Variants in ACTR3 observed in about 807,000 individuals in gnomAD.
The protein encoded by ACTR3 is actin related protein 3.
ACTR3 carries 12 observed loss-of-function variants against 56.8 expected under a neutral mutation model. The ratio of observed to expected loss-of-function variants is 0.21; its 90% CI spans 0.14 to 0.34. The LOEUF (loss-of-function observed/expected upper bound fraction) is 0.34, where lower values mean the gene tolerates loss of function less well. Ranked by LOEUF, ACTR3 falls within the 10% of genes least tolerant of loss-of-function variation. The pLI, the probability that ACTR3 is intolerant of heterozygous loss-of-function variation, is 1.00. For synonymous variants in ACTR3, 162 were observed against 167.4 expected (o/e 0.97, Z 0.25); for missense variants, 282 against 512.5 (o/e 0.55, Z 4.34).
At chr2:113,943,259 A>G (rs1175567901) in intron 8 of ACTR3, among the ~76,000 whole-genome samples, 4 of 152,182 alleles carry the variant, frequency 2.6e-5, no homozygotes, top group Non-Finnish European at 5.9e-5. Context: ...TTTGTCAGTC[A>G]TGTGTGGTAG....
intron 1 of ACTR3, chr2:113,890,863 C>A: frequency 1.1e-6 from 1 of 880,900 alleles, no homozygotes; most frequent in Non-Finnish European, 1.4e-6. Flanking sequence ...AAATGGGAAC[C>A]TACAGTGGGG....
chr2:113,944,455 T>C (rs1338007185), intron 8 of ACTR3, among the ~76,000 whole-genome samples: 1 of 151,734 alleles, frequency 6.6e-6, no homozygotes, highest in African/African-American at 2.4e-5. Context: ...GTTTTAATTT[T>C]TTTATGAGGT....
intron 10 of ACTR3, chr2:113,954,319 T>A (rs1680171930): frequency 6.6e-6 from 1 of 151,100 alleles, no homozygotes; most frequent in Non-Finnish European, 1.5e-5. Flanking sequence ...CAGTCACTAG[T>A]TTTTAGCATC....
Position 113,958,649 on chromosome 2 carries a change from A to G in ACTR3, c.*1194A>G, listed in dbSNP as rs976918509. 1 of 151,478 alleles carries G rather than the reference A, an allele frequency of 6.6e-6. No homozygotes were observed. The highest frequency in any genetic ancestry group is 1.5e-5 in the Non-Finnish European group (1 of 67,794). 9.4% of individuals were successfully genotyped at this position (151,478 alleles called of 1,614,324 possible). ...ATTCTATTTTGTTTTTATGTATGTG[A>G]TATCTGTTTCTGTTGAGATTTGGGA... On this transcript the variant is annotated 3_prime_UTR_variant, in exon 12 of 12. Transcript: ENST00000263238.
intron 1 of ACTR3, among the ~76,000 whole-genome samples, chr2:113,897,977 G>A (rs1336059849): frequency 1.3e-5 from 2 of 152,114 alleles, no homozygotes; most frequent in Non-Finnish European, 1.5e-5. Flanking sequence ...TCTTGGGAAG[G>A]GTTTCTGTGC....
chr2:113,957,670 A>G lies in ACTR3; in HGVS notation c.*215A>G, dbSNP rs1680241573. 1 of 456,884 alleles carries G rather than the reference A, an allele frequency of 2.2e-6. No homozygotes were observed. Among genetic ancestry groups the G allele is most frequent in the African/African-American group, 1.9e-5 (1 of 51,594 alleles). 28.3% of individuals were successfully genotyped at this position (456,884 alleles called of 1,614,324 possible). ...GTTTTTCTTTAGATTGAATATTTGA[A>G]TCTTATGTGTAACAAAAAGAAGTGG... is the stretch of plus-strand genomic sequence containing the variant. On this transcript the variant is annotated 3_prime_UTR_variant, in exon 12 of 12. Coordinates refer to ENST00000263238, the MANE Select transcript of ACTR3 (RefSeq NM_005721.5).
At chr2:113,900,294 C>T (rs574233771) in intron 1 of ACTR3, among the ~76,000 whole-genome samples, 6 of 152,294 alleles carry the variant, frequency 3.9e-5, no homozygotes, top group African/African-American at 1.4e-4. Flanking sequence ...TCCGTTACCT[C>T]TACCCTCAAC....
At chr2:113,908,262 T>C (rs996388282) in intron 1 of ACTR3, among the ~76,000 whole-genome samples, 2 of 151,368 alleles carry the variant, frequency 1.3e-5, no homozygotes, top group African/African-American at 4.8e-5. Context: ...TTTTTTTTTT[T>C]TTTTGTCAAA....
intron 1 of ACTR3, among the ~76,000 whole-genome samples, chr2:113,895,569 TCAG>T (rs975422833): frequency 2.0e-5 from 3 of 152,232 alleles, no homozygotes; most frequent in African/African-American, 7.2e-5. Context: ...AGATGATTCT[TCAG>T]CAGCCCATTC....
At chr2:113,916,816 A>G (rs1679412603) in intron 2 of ACTR3, 68 bp from the exon 3 acceptor site, 1 of 1,368,972 alleles carries the variant, frequency 7.3e-7, no homozygotes, top group Admixed American at 2.4e-5. Flanking sequence ...TAATGGGAGA[A>G]GTGTAAGGTA....
rs190639899 is a variant in ACTR3 at position 113,913,298 on chromosome 2, A to G, written c.100+71A>G. 6,114 of 1,178,154 alleles carry G rather than the reference A, an allele frequency of 5.2e-3. 80 individuals carry two copies. The highest frequency in any genetic ancestry group is 3.5e-3 in the Non-Finnish European group (2,929 of 826,416). 73.0% of individuals were successfully genotyped at this position (1,178,154 alleles called of 1,614,324 possible). A position where few individuals can be genotyped will look rare whatever the true frequency, so the allele number is the denominator to read the frequency against. On this transcript the variant is annotated intron_variant, in intron 2 of 11. Coordinates refer to ENST00000263238, the MANE Select transcript of ACTR3 (RefSeq NM_005721.5). ...CCTTCCCTAATAATTTAAGTAAAAG[A>G]AGTAATCAGTTCTGAAATCCTAAAA...
Position 113,927,390 on chromosome 2 carries a change from A to G in ACTR3, c.271A>G (p.Arg91Gly). The G allele has an allele frequency of 1.3e-6, 2 of 1,589,792 alleles. No individual in the cohort carries two copies. The highest frequency in any genetic ancestry group is 1.7e-6 in the Non-Finnish European group (2 of 1,165,820). Reference sequence around the variant, plus strand: ...AGTTGAAGATTGGGACTTAATGGAAAGGTTTATGGAGCAAGTGATCTTTAA... The same window carrying G: ...AGTTGAAGATTGGGACTTAATGGAAGGGTTTATGGAGCAAGTGATCTTTAA... The part of the protein sequence containing the change: ...GIVEDWDLME[R>G]FMEQVIFKYL... The change falls in exon 4 of 12, where the codon AGG becomes GGG. Residue 91 changes from arginine to glycine, a missense_variant. Transcript: ENST00000263238.
intron 1 of ACTR3, among the ~76,000 whole-genome samples, chr2:113,901,138 G>A (rs1679091448): frequency 6.6e-6 from 1 of 152,162 alleles, no homozygotes; most frequent in African/African-American, 2.4e-5. Context: ...GACCAACACG[G>A]AGAAACCCCA....
intron 5 of ACTR3, among the ~76,000 whole-genome samples, chr2:113,933,124 C>T (rs6717183): frequency 0.021 from 3,144 of 152,198 alleles, 113 homozygotes; most frequent in African/African-American, 0.07. Context: ...ATTTTATCAA[C>T]GTTGCTCCAT....
chr2:113,899,293 T>C (rs1235963298), intron 1 of ACTR3, among the ~76,000 whole-genome samples: 3 of 152,176 alleles, frequency 2.0e-5, no homozygotes, highest in Admixed American at 2.0e-4. Context: ...AAATGAATAA[T>C]CTCCACTGAT....
At chr2:113,947,073 C>T (rs77415254) in intron 8 of ACTR3, among the ~76,000 whole-genome samples, 4,834 of 152,204 alleles carry the variant, frequency 0.032, 263 homozygotes, top group African/African-American at 0.11. Context: ...GAAGTTAGGA[C>T]AGATTTTTGT....
In ACTR3 at chr2:113,934,382, C is replaced by A; in HGVS notation, c.536C>A (p.Pro179His). The A allele has an allele frequency of 6.3e-7, 1 of 1,575,402 alleles. No homozygotes were observed. Among genetic ancestry groups the A allele is most frequent in the Non-Finnish European group, 8.6e-7 (1 of 1,161,292 alleles). The change falls in exon 6 of 12, where the codon CCT becomes CAT. Residue 179 changes from proline (P) to histidine (H), a missense_variant. Transcript: ENST00000263238. ...DSGDGVTHVI[P>H]VAEGYVIGSC... ...GGAGATGGTGTCACTCATGTCATTC[C>A]TGTGGTAAGGCTATTTTACAGTTAC...
At chr2:113,905,129 C>T (rs757352153) in intron 1 of ACTR3, 11 of 152,022 alleles carry the variant, frequency 7.2e-5, no homozygotes, top group African/African-American at 1.2e-4. Context: ...GGGTTATAAA[C>T]TATATCACAT....
intron 3 of ACTR3, among the ~76,000 whole-genome samples, chr2:113,924,052 CTCT>C (rs1171337818): frequency 7.1e-6 from 1 of 140,692 alleles, no homozygotes; most frequent in Non-Finnish European, 1.5e-5. Flanking sequence ...TGACTTTTTT[CTCT>C]TTTTTTTTTT....
Sources: allele counts gnomAD v4.1 joint callset (sites outside exome capture counted in the v4.1 genomes callset), GRCh38; gene constraint gnomAD v4.1.1; transcripts MANE v1.5; gene names NCBI Gene and HGNC (gene_info 2026-07-23, HGNC 2026-07-21).